Variants in AMZ1 observed in about 807,000 individuals in gnomAD.
AMZ1 encodes the protein archaelysin family metallopeptidase 1.
Under a neutral mutation model 29.9 loss-of-function variants are expected in AMZ1, and 39 were observed. The observed-to-expected ratio is 1.30, with a 90% CI of 1.01 to 1.70. AMZ1 has a LOEUF of 1.70. Ranked by LOEUF, AMZ1 falls within the 40% of genes most tolerant of loss-of-function variation. AMZ1 has a pLI of 0.00. For missense variants in AMZ1, 1,041 were observed against 680.6 expected, an observed-to-expected ratio of 1.53 and a Z score of -5.89; for synonymous variants, 458 against 304.0, an observed-to-expected ratio of 1.51 and a Z score of -5.27.
At chr7:2,757,916 C>T (rs572283901) in intron 4 of AMZ1, among the ~76,000 whole-genome samples, 1 of 152,152 alleles carries the variant, frequency 6.6e-6, no homozygotes, top group Non-Finnish European at 1.5e-5. Context: ...GACTCCTGTT[C>T]GCTGTCCCCA....
Position 2,718,319 on chromosome 7 carries a change from G to A in AMZ1, c.*5441G>A, listed in dbSNP as rs1437066516. Among the ~76,000 whole-genome samples the A allele has an allele frequency of 1.3e-5, 2 of 152,164 alleles. No individual in the cohort carries two copies. The highest frequency in any genetic ancestry group is 2.9e-5 in the Non-Finnish European group (2 of 68,028). On this transcript the variant is annotated 3_prime_UTR_variant, in exon 7 of 7. Transcript: ENST00000683327. Reference sequence around the variant, plus strand: ...GTGCTCTGCCCGCCACAGTGTGCCTGGTTTTCTGGATACAGCATGACTGAA... The same window carrying A: ...GTGCTCTGCCCGCCACAGTGTGCCTAGTTTTCTGGATACAGCATGACTGAA...
Position 2,712,369 on chromosome 7 carries a change from C to G in AMZ1, c.988C>G (p.Pro330Ala), listed in dbSNP as rs1788838059. ...GACTCAGGCGGTGGTGGGGACGTGG[C>G]CCAGCCAGGAGGCGGGGGAGCCGTC... ...TWTQAVVGTW[P>A]SQEAGEPSVW... The change falls in exon 7 of 7, where the codon CCC (proline) becomes GCC (alanine). Residue 330 changes from proline to alanine, a missense_variant. By Grantham distance (27) the Pro-to-Ala change is conservative (BLOSUM62 -1). Coordinates refer to ENST00000683327, the MANE Select transcript of AMZ1 (RefSeq NM_001384743.1). The G allele has an allele frequency of 6.2e-7, 1 of 1,603,926 alleles. No homozygotes were observed. The highest frequency in any genetic ancestry group is 2.2e-5 in the East Asian group (1 of 44,836).
chr7:2,709,981 T>A, intron 6 of AMZ1, among the ~76,000 whole-genome samples, 165 bp downstream of exon 6: 1 of 152,294 alleles, frequency 6.6e-6, no homozygotes, highest in South Asian at 2.1e-4. Context: ...TTGAGCTCCA[T>A]CCGGATCTCA....
intron 2 of AMZ1, chr7:2,702,428 A>G (rs1008005768): frequency 2.5e-5 from 10 of 404,984 alleles, no homozygotes; most frequent in African/African-American, 1.0e-4. Context: ...CGCTAACCCT[A>G]GAAGTCCCTG....
chr7:2,753,998 C>G (rs1791165211), intron 4 of AMZ1, among the ~76,000 whole-genome samples: 1 of 152,162 alleles, frequency 6.6e-6, no homozygotes, highest in Non-Finnish European at 1.5e-5. Context: ...TGCTCAGTGA[C>G]CAGAGAATCT....
intron 1 of AMZ1, among the ~76,000 whole-genome samples, chr7:2,695,332 C>CT (rs1787647691): frequency 6.6e-6 from 1 of 152,106 alleles, no homozygotes; most frequent in Non-Finnish European, 1.5e-5. Context: ...GCATGCGGGT[C>CT]TGGGCACAGG....
At chr7:2,721,358 G>A (rs1789413018), downstream of AMZ1, among the ~76,000 whole-genome samples, 1 of 152,204 alleles carries the variant, frequency 6.6e-6, no homozygotes, top group South Asian at 2.1e-4. Context: ...ACGGTGGAAC[G>A]CACTCTGGAA....
chr7:2,694,312 G>A (rs1787577437), intron 1 of AMZ1, among the ~76,000 whole-genome samples: 1 of 152,194 alleles, frequency 6.6e-6, no homozygotes, highest in Non-Finnish European at 1.5e-5. Flanking sequence ...GGGACTGGAT[G>A]TCCACCATCG....
At chr7:2,689,403 C>T (rs1787254804) in intron 1 of AMZ1, among the ~76,000 whole-genome samples, 1 of 151,748 alleles carries the variant, frequency 6.6e-6, no homozygotes, top group Non-Finnish European at 1.5e-5. Flanking sequence ...CTTTTCCAGT[C>T]TTTGGACAAA....
chr7:2,696,623 G>A (rs902829907), intron 1 of AMZ1, among the ~76,000 whole-genome samples: 4 of 151,712 alleles, frequency 2.6e-5, no homozygotes, highest in African/African-American at 9.7e-5. Flanking sequence ...GGTGGCTCAT[G>A]CCTGTAATCC....
upstream of AMZ1, among the ~76,000 whole-genome samples, chr7:2,686,291 G>A (rs1268480554): frequency 6.6e-6 from 1 of 152,138 alleles, no homozygotes; most frequent in Non-Finnish European, 1.5e-5. Flanking sequence ...TCAACATTTT[G>A]GGAGGCCGAG....
intron 3 of AMZ1, among the ~76,000 whole-genome samples, chr7:2,707,289 CAAAA>C (rs763870340): frequency 6.2e-4 from 91 of 145,948 alleles, no homozygotes; most frequent in African/African-American, 1.1e-3. Context: ...AAAAAAAAAA[CAAAA>C]AAACACACAC....
chr7:2,717,712 T>G lies in AMZ1; in HGVS notation c.*4834T>G, dbSNP rs1271066891. Among the ~76,000 whole-genome samples the G allele has an allele frequency of 6.6e-6, 1 of 152,042 alleles. No homozygotes were observed. Among genetic ancestry groups the G allele is most frequent in the Non-Finnish European group, 1.5e-5 (1 of 67,998 alleles). Reference sequence around the variant, plus strand: ...GTTAAAAACAGATGCAGATCGCGGGTGGAGACGGCCGGCCGAGCCTTCCCT... The same window carrying G: ...GTTAAAAACAGATGCAGATCGCGGGGGGAGACGGCCGGCCGAGCCTTCCCT... On this transcript the variant is annotated 3_prime_UTR_variant, in exon 7 of 7. Coordinates refer to ENST00000683327, the MANE Select transcript of AMZ1 (RefSeq NM_001384743.1).
In AMZ1 at chr7:2,700,620, A is replaced by G. The variant is rs1583159584; in HGVS notation, c.169A>G (p.Thr57Ala). 1 of 1,610,752 alleles carries G rather than the reference A, an allele frequency of 6.2e-7. No individual in the cohort carries two copies. The highest frequency in any genetic ancestry group is 8.5e-7 in the Non-Finnish European group (1 of 1,179,966). ...AYNPQRTLFC[T>A]LLIRTGFDWL... Reference sequence around the variant, plus strand: ...CAACCCGCAGAGGACGCTCTTCTGCACCCTGCTCATCCGCACGGGCTTCGA... The same window carrying G: ...CAACCCGCAGAGGACGCTCTTCTGCGCCCTGCTCATCCGCACGGGCTTCGA... The change falls in exon 2 of 7, where the codon ACC becomes GCC. Residue 57 changes from threonine (T) to alanine (A), a missense_variant. Coordinates refer to ENST00000683327, the MANE Select transcript of AMZ1 (RefSeq NM_001384743.1).
At chr7:2,702,976 G>A in intron 3 of AMZ1, 87 bp downstream of exon 3, 2 of 1,443,966 alleles carry the variant, frequency 1.4e-6, no homozygotes, top group East Asian at 2.6e-5. Context: ...GGAGAGGAAG[G>A]GAACCTTTTC....
chr7:2,682,989 C>T (rs958864976), intron 1 of AMZ1, among the ~76,000 whole-genome samples: 3 of 152,230 alleles, frequency 2.0e-5, no homozygotes, highest in East Asian at 1.9e-4. Flanking sequence ...CCTGCACCCT[C>T]GCCTGCTGGC....
chr7:2,749,880 G>C (rs774845264), intron 4 of AMZ1, among the ~76,000 whole-genome samples: 1 of 152,064 alleles, frequency 6.6e-6, no homozygotes, highest in Non-Finnish European at 1.5e-5. Flanking sequence ...AGAGAAAAAA[G>C]ATAAAGAATG....
upstream of AMZ1, among the ~76,000 whole-genome samples, chr7:2,683,744 G>T (rs1338364608): frequency 6.6e-6 from 1 of 151,926 alleles, no homozygotes; most frequent in East Asian, 2.0e-4. Flanking sequence ...AGCTCTGTCT[G>T]TTTTTTACAA....
chr7:2,709,138 C>G lies in AMZ1; in HGVS notation c.665C>G (p.Pro222Arg). 1.3e-6 allele frequency: 2 copies of G among 1,596,188 alleles called. No individual in the cohort carries two copies. The highest frequency in any genetic ancestry group is 1.7e-6 in the Non-Finnish European group (2 of 1,172,074). The change falls in exon 5 of 7, where the codon CCT becomes CGT. Residue 222 changes from proline to arginine, a missense_variant. Transcript: ENST00000683327. ...TTCCCGAAGTCGGGGCCCAGCGCCC[C>G]TGATCTGGCCCTGGTAGAGGCAGCA... ...GEFPKSGPSA[P>R]DLALVEAAAD...
Sources: gnomAD v4.1 joint callset for allele counts (sites outside exome capture counted in the v4.1 genomes callset) on GRCh38, gnomAD v4.1.1 for gene constraint, MANE v1.5 for transcripts, NCBI Gene and HGNC (gene_info 2026-07-23, HGNC 2026-07-21) for gene names.